Variants in DLGAP1 observed in about 807,000 individuals in gnomAD.
DLGAP1 encodes DLG associated protein 1.
Under a neutral mutation model 90.8 loss-of-function variants are expected in DLGAP1, and 11 were observed. The ratio of observed to expected loss-of-function variants is 0.12; its 90% CI spans 0.08 to 0.20. DLGAP1 has a LOEUF of 0.20. Among genes scored for constraint, DLGAP1 ranks in the 10% least tolerant of loss-of-function variants. The probability of loss-of-function intolerance (pLI) is 1.00; values close to 1 mark genes in which losing one functional copy is unlikely to be tolerated. For missense variants in DLGAP1, 1,050 were observed against 1,333.8 expected (o/e 0.79, Z 3.31); for synonymous variants, 558 against 540.7 (o/e 1.03, Z -0.44).
In DLGAP1 at chr18:3,567,560, C is replaced by T. The variant is rs1312329998; in HGVS notation, c.1987G>A (p.Asp663Asn). The T allele has an allele frequency of 6.2e-7, 1 of 1,613,954 alleles. No homozygotes were observed. The highest frequency in any genetic ancestry group is 1.7e-5 in the Admixed American group (1 of 60,004). ...GIQVDDAEEP[D>N]KTGENKAPSK... is the part of the protein sequence containing the mutation. The stretch of plus-strand genomic sequence containing the variant: ...GGTGCTTTATTCTCCCCTGTTTTGT[C>T]AGGTTCTTCAGCATCATCCACCTGG... The change falls in exon 9 of 13, where the codon GAC becomes AAC. Residue 663 changes from aspartate to asparagine, a missense_variant. Asp to Asn is a conservative substitution (Grantham distance 23). Around this residue, in one of 2 missense-constraint regions of DLGAP1, gnomAD observed 565 missense variants for 879.7 expected, o/e 0.64. Coordinates refer to ENST00000315677, the MANE Select transcript of DLGAP1 (RefSeq NM_004746.4).
In DLGAP1 at chr18:4,378,020, A is replaced by G. The variant is rs1297106888; in HGVS notation, c.-267+76986T>C. Among the ~76,000 whole-genome samples the G allele has an allele frequency of 6.6e-6, 1 of 150,984 alleles. No individual in the cohort carries two copies. The highest frequency in any genetic ancestry group is 1.9e-4 in the East Asian group (1 of 5,172). ...AATCCATATTACAGAATGATATGAA[A>G]TCTATCTATTTTTGTCTATGTGTTT... On this transcript the variant is annotated intron_variant, in intron 1 of 12. Transcript: ENST00000315677. This position sits in a 1 kb window ranked among gnomAD's most constrained non-coding sequence, Gnocchi z 4.5.
chr18:4,112,985 C>G (rs1456265418), intron 2 of DLGAP1, among the ~76,000 whole-genome samples: 2 of 151,982 alleles, frequency 1.3e-5, no homozygotes, highest in African/African-American at 4.8e-5. Context: ...TATGTATGTA[C>G]CACATTTCCT....
rs377074347 is a variant in DLGAP1 at position 3,958,430 on chromosome 18, T to C, written c.-73+46686A>G. Among the ~76,000 whole-genome samples the C allele has an allele frequency of 1.8e-4, 26 of 142,032 alleles. No homozygotes were observed. In the East Asian group the frequency reaches 2.1e-3, roughly 11 times the overall value. 93.2% of individuals were successfully genotyped at this position (142,032 alleles called of 152,430 possible). On this transcript the variant is annotated intron_variant, in intron 3 of 12. Coordinates refer to ENST00000315677, the MANE Select transcript of DLGAP1 (RefSeq NM_004746.4). ...TATGACAGCTGGGACTTCAATACTA[T>C]TGTGAAGAGAGATTGCAAATTAGGA...
chr18:4,446,599 GAAGAAC>G, intron 1 of DLGAP1, among the ~76,000 whole-genome samples: 1 of 152,250 alleles, frequency 6.6e-6, no homozygotes, highest in Non-Finnish European at 1.5e-5. Context: ...TAAAAGTCTT[GAAGAAC>G]TAAATAATAA....
intron 2 of DLGAP1, among the ~76,000 whole-genome samples, chr18:4,045,787 C>CTTT (rs35705949): frequency 2.3e-5 from 3 of 132,180 alleles, no homozygotes; most frequent in Non-Finnish European, 3.2e-5. Context: ...ATCTTTAAAA[C>CTTT]TTTTTTTTTT....
chr18:4,240,892 T>A (rs1171820087), intron 1 of DLGAP1, among the ~76,000 whole-genome samples: 1 of 152,346 alleles, frequency 6.6e-6, no homozygotes, highest in East Asian at 1.9e-4. Flanking sequence ...CACAATTTCA[T>A]TTTGGCTAAA....
chr18:3,974,231 C>T (rs1178773915), intron 3 of DLGAP1, among the ~76,000 whole-genome samples: 1 of 152,042 alleles, frequency 6.6e-6, no homozygotes, highest in Non-Finnish European at 1.5e-5. Context: ...CCCACCACGA[C>T]ACCTGGCTAA....
rs540615811 is a variant in DLGAP1 at position 4,017,397 on chromosome 18, C to G, written c.-158-12196G>C. On this transcript the variant is annotated intron_variant, in intron 2 of 12. Transcript: ENST00000315677. ...AGAAAGCAGAAATGGTTTGGGACTT[C>G]ATATCCTGTTTTCCCTGGAGTTCAG... Among the ~76,000 whole-genome samples, 8 of 152,270 alleles carry G rather than the reference C, an allele frequency of 5.3e-5. No individual in the cohort carries two copies. The East Asian group carries it at 1.4e-3, about 26-fold the overall frequency.
At chr18:4,079,291 A>T (rs1318985466) in intron 2 of DLGAP1, among the ~76,000 whole-genome samples, 2 of 6,882 alleles carry the variant, frequency 2.9e-4, no homozygotes, top group East Asian at 1.4e-3. Flanking sequence ...AAAATGTCAC[A>T]CACACACACA....
At chr18:3,768,487 A>G (rs2064361427) in intron 5 of DLGAP1, among the ~76,000 whole-genome samples, 1 of 152,184 alleles carries the variant, frequency 6.6e-6, no homozygotes, top group Non-Finnish European at 1.5e-5. Flanking sequence ...GAACAAGAAT[A>G]GCTAAAACAA....
chr18:4,114,812 C>T (rs2076034705), intron 2 of DLGAP1, among the ~76,000 whole-genome samples: 1 of 152,148 alleles, frequency 6.6e-6, no homozygotes, highest in South Asian at 2.1e-4. Flanking sequence ...ATATCTTTTT[C>T]TATCATTTTA....
intron 7 of DLGAP1, among the ~76,000 whole-genome samples, chr18:3,688,614 G>GACACAC (rs60415611): frequency 2.9e-4 from 29 of 100,730 alleles, no homozygotes; most frequent in African/African-American, 9.4e-4. Flanking sequence ...ATTAAAAAAA[G>GACACAC]ACACACACAC....
In DLGAP1 at chr18:4,378,648, G is replaced by A. The variant is rs1030569472; in HGVS notation, c.-267+76358C>T. 2.0e-5 allele frequency among the ~76,000 whole-genome samples: 3 copies of A among 152,112 alleles called. No homozygotes were observed. Among genetic ancestry groups the A allele is most frequent in the Admixed American group, 6.6e-5 (1 of 15,260 alleles). On this transcript the variant is annotated intron_variant, in intron 1 of 12. Transcript: ENST00000315677. This position sits in a 1 kb window ranked among gnomAD's most constrained non-coding sequence, Gnocchi z 4.5. ...ACTACACAATTTGAAAGCACCTAAG[G>A]TGCTCCGTACCTAATATGTACTCCA... is the stretch of plus-strand genomic sequence containing the variant.
intron 1 of DLGAP1, among the ~76,000 whole-genome samples, chr18:4,390,760 G>A (rs1028144753): frequency 4.6e-5 from 7 of 152,050 alleles, no homozygotes; most frequent in Non-Finnish European, 7.4e-5. Context: ...AAGACATCTT[G>A]GTTGCCTCCC....
At chr18:4,330,956 G>A (rs1448472190) in intron 1 of DLGAP1, among the ~76,000 whole-genome samples, 1 of 150,970 alleles carries the variant, frequency 6.6e-6, no homozygotes, top group East Asian at 1.9e-4. Flanking sequence ...AACTGTAGTT[G>A]TGGACTTGTC....
intron 4 of DLGAP1, among the ~76,000 whole-genome samples, chr18:3,827,061 G>A (rs181330719): frequency 6.6e-6 from 1 of 152,270 alleles, no homozygotes; most frequent in Non-Finnish European, 1.5e-5. Context: ...GACTCAGGAT[G>A]GAAATTAGGA....
chr18:4,192,846 C>T (rs1408569421), intron 1 of DLGAP1, among the ~76,000 whole-genome samples: 1 of 152,052 alleles, frequency 6.6e-6, no homozygotes, highest in African/African-American at 2.4e-5. Flanking sequence ...AGGATATGTT[C>T]TGGATACAGG....
intron 7 of DLGAP1, among the ~76,000 whole-genome samples, chr18:3,662,940 G>A (rs1460564802): frequency 6.6e-6 from 1 of 152,130 alleles, no homozygotes; most frequent in East Asian, 1.9e-4. Context: ...AGCATCAAAT[G>A]GGCCCCATCA....
At chr18:3,509,247 G>A (rs922192108) in intron 10 of DLGAP1, among the ~76,000 whole-genome samples, 4 of 152,142 alleles carry the variant, frequency 2.6e-5, no homozygotes, top group African/African-American at 9.7e-5. Flanking sequence ...TTTCTAAGGA[G>A]CGAACATGTT....
Sources: gnomAD v4.1 joint callset for allele counts (sites outside exome capture counted in the v4.1 genomes callset) on GRCh38, gnomAD v4.1.1 for gene constraint, gnomAD v4.1.1 regional missense constraint, Gnocchi (gnomAD v3.1) non-coding constraint, MANE v1.5 for transcripts, NCBI Gene and HGNC (gene_info 2026-07-23, HGNC 2026-07-21) for gene names.